Variants in LRFN5 observed in about 807,000 individuals in gnomAD.
LRFN5 encodes leucine-rich repeat and fibronectin type-III domain-containing protein 5.
In LRFN5, 24 loss-of-function variants were observed where a neutral mutation model predicts 45.6. That is an observed-to-expected ratio of 0.53 (90% confidence interval 0.38 to 0.74). The LOEUF is 0.74. Ranked by LOEUF, LRFN5 falls within the 30% of genes least tolerant of loss-of-function variation. LRFN5 has a pLI of 0.00. For synonymous variants in LRFN5, 340 were observed against 313.8 expected (o/e 1.08, Z -0.88); for missense variants, 776 against 861.5 (o/e 0.90, Z 1.24).
chr14:41,645,967 G>GTTTTA (rs957640971), intron 1 of LRFN5, among the ~76,000 whole-genome samples: 1 of 151,974 alleles, frequency 6.6e-6, no homozygotes, highest in Non-Finnish European at 1.5e-5. Flanking sequence ...TTTTAAAATT[G>GTTTTA]TTTTATTTTA....
chr14:41,771,945 C>T (rs1349149410), intron 2 of LRFN5, among the ~76,000 whole-genome samples: 1 of 152,142 alleles, frequency 6.6e-6, no homozygotes, highest in Non-Finnish European at 1.5e-5. Context: ...AGAAATGTCT[C>T]AGGCTGGAAA....
At chr14:41,839,428 T>C (rs1430095740) in intron 2 of LRFN5, among the ~76,000 whole-genome samples, 1 of 152,138 alleles carries the variant, frequency 6.6e-6, no homozygotes, top group Non-Finnish European at 1.5e-5. Flanking sequence ...ACAATAACAA[T>C]AATTTCAATA....
At chr14:41,873,419 C>CAGAGAGAGAGAG (rs10558865) in intron 2 of LRFN5, among the ~76,000 whole-genome samples, 6 of 146,506 alleles carry the variant, frequency 4.1e-5, no homozygotes, top group South Asian at 2.1e-4. Flanking sequence ...GAGAGAGAGA[C>CAGAGAGAGAGAG]AGAGAGAGAG....
intron 2 of LRFN5, among the ~76,000 whole-genome samples, chr14:41,793,095 A>G (rs954773374): frequency 6.6e-6 from 1 of 151,790 alleles, no homozygotes; most frequent in Non-Finnish European, 1.5e-5. Flanking sequence ...ACATGTATAC[A>G]TATGTAACTA....
At chr14:41,674,068 C>G (rs563282360) in intron 1 of LRFN5, among the ~76,000 whole-genome samples, 4 of 144,438 alleles carry the variant, frequency 2.8e-5, no homozygotes, top group African/African-American at 7.6e-5. Flanking sequence ...GCTGGCTGGG[C>G]GGGGGGCTGA....
At chr14:41,888,234 CT>C (rs1426828468) in intron 3 of LRFN5, among the ~76,000 whole-genome samples, 3 of 152,044 alleles carry the variant, frequency 2.0e-5, no homozygotes, top group African/African-American at 4.8e-5. Flanking sequence ...TGCTTACTTA[CT>C]TTTTTCCCCC....
At chr14:41,883,956 T>G (rs1566503225) in intron 2 of LRFN5, among the ~76,000 whole-genome samples, 1 of 152,222 alleles carries the variant, frequency 6.6e-6, no homozygotes. Context: ...TGGATTTTTG[T>G]TCCCTTTCCT....
chr14:41,742,164 TATATA>T (rs1594665702), intron 1 of LRFN5, among the ~76,000 whole-genome samples: 1 of 151,764 alleles, frequency 6.6e-6, no homozygotes, highest in East Asian at 1.9e-4. Context: ...TACTTTTGGA[TATATA>T]GCCAATGAAT....
intron 1 of LRFN5, among the ~76,000 whole-genome samples, chr14:41,733,985 G>A (rs1045957201): frequency 1.4e-5 from 2 of 145,628 alleles, no homozygotes; most frequent in Admixed American, 1.4e-4. Context: ...CTCTGATGCT[G>A]TGTTTATATA....
rs759968293 is a variant in LRFN5, at chr14:41,887,099, T to C, written c.474T>C (p.Asn158=). The stretch of plus-strand genomic sequence containing the variant: ...AGGAGCTGGATCTGTCCTATAATAA[T>C]CTAGAAACCATTCCTTGGGATGCTG... ...ALEELDLSYN[N]LETIPWDAVE... Residue 158 remains asparagine (N), a synonymous_variant, in exon 3 of 6, where the codon AAT becomes AAC. Transcript: ENST00000298119. This position sits in a 1 kb window ranked among gnomAD's most constrained non-coding sequence, Gnocchi z 4.8. 1.9e-6 allele frequency: 3 copies of C among 1,613,998 alleles called. No individual in the cohort carries two copies. In the East Asian group the frequency reaches 6.7e-5, roughly 36 times the overall value.
intron 1 of LRFN5, among the ~76,000 whole-genome samples, chr14:41,625,031 T>C (rs1254813680): frequency 6.6e-6 from 1 of 152,180 alleles, no homozygotes; most frequent in Non-Finnish European, 1.5e-5. Flanking sequence ...TGCTTTTTAC[T>C]ACTATTTCTA....
At chr14:41,745,119 A>G (rs1884869760) in intron 1 of LRFN5, among the ~76,000 whole-genome samples, 1 of 152,130 alleles carries the variant, frequency 6.6e-6, no homozygotes, top group Non-Finnish European at 1.5e-5. Flanking sequence ...TAGAACATAT[A>G]TTAAGCCACA....
At chr14:41,612,703 C>G (rs1453984241) in intron 1 of LRFN5, among the ~76,000 whole-genome samples, 2 of 151,972 alleles carry the variant, frequency 1.3e-5, no homozygotes. Flanking sequence ...GAACCTAAGG[C>G]TGTATAATTT....
intron 2 of LRFN5, among the ~76,000 whole-genome samples, chr14:41,798,390 A>G (rs1015617206): frequency 6.6e-6 from 1 of 151,952 alleles, no homozygotes; most frequent in Non-Finnish European, 1.5e-5. Flanking sequence ...CCTCTCTAGA[A>G]AATTTAAGAA....
intron 2 of LRFN5, among the ~76,000 whole-genome samples, chr14:41,804,982 T>G (rs1187093350): frequency 6.6e-6 from 1 of 152,116 alleles, no homozygotes; most frequent in Non-Finnish European, 1.5e-5. Flanking sequence ...TGTAAATATC[T>G]TTAGGCCATT....
At chr14:41,655,240 A>T (rs1880322906) in intron 1 of LRFN5, among the ~76,000 whole-genome samples, 1 of 152,024 alleles carries the variant, frequency 6.6e-6, no homozygotes, top group African/African-American at 2.4e-5. Context: ...AATAGATTCT[A>T]GGGAAAAATG....
At chr14:41,864,434 AT>A (rs1889772597) in intron 2 of LRFN5, among the ~76,000 whole-genome samples, 1 of 152,100 alleles carries the variant, frequency 6.6e-6, no homozygotes, top group Admixed American at 6.6e-5. Flanking sequence ...GATGATGAGC[AT>A]TTTTTCATAT....
At chr14:41,638,256 T>G (rs1372568686) in intron 1 of LRFN5, among the ~76,000 whole-genome samples, 1 of 152,004 alleles carries the variant, frequency 6.6e-6, no homozygotes, top group Admixed American at 6.6e-5. Flanking sequence ...ACACTAGATA[T>G]AACTTGTTCC....
chr14:41,690,436 G>C (rs1882328221), intron 1 of LRFN5, among the ~76,000 whole-genome samples: 1 of 151,952 alleles, frequency 6.6e-6, no homozygotes, highest in Admixed American at 6.6e-5. Context: ...ACCTGTAGTC[G>C]CAGCTACTCA....
Sources: allele counts gnomAD v4.1 joint callset (sites outside exome capture counted in the v4.1 genomes callset), GRCh38; gene constraint gnomAD v4.1.1; non-coding constraint Gnocchi (gnomAD v3.1); transcripts MANE v1.5; gene names NCBI Gene and HGNC (gene_info 2026-07-23, HGNC 2026-07-21).